STPG2: variants seen among roughly 807,000 people sequenced by gnomAD.
STPG2 encodes the protein sperm tail PG-rich repeat containing 2.
Under a neutral mutation model 54.2 loss-of-function variants are expected in STPG2, and 56 were observed. The observed-to-expected ratio is 1.03, with a 90% CI of 0.83 to 1.29. The LOEUF is 1.29. STPG2 is among the 50% of genes most tolerant of loss of function. STPG2 has a pLI of 0.00. For missense variants in STPG2, 596 were observed against 544.9 expected (o/e 1.09, Z -0.93); for synonymous variants, 200 against 181.8 (o/e 1.10, Z -0.81).
chr4:97,720,005 A>G (rs1424100273), intron 9 of STPG2, among the ~76,000 whole-genome samples: 3 of 151,934 alleles, frequency 2.0e-5, no homozygotes, highest in African/African-American at 7.2e-5. Flanking sequence ...TTCAGTATAC[A>G]TCCTTCACTC....
At position 97,827,128 on chromosome 4, in the gene STPG2, C is replaced by G. The variant is rs138294646; in HGVS notation, c.1204+13645G>C. On this transcript the variant is annotated intron_variant, in intron 9 of 10. Transcript: ENST00000295268. ...TCAAACAGGGGTTAAACTGCATGGA[C>G]TAAATTAAGATAGAAGTCTAAAGTA... is the stretch of plus-strand genomic sequence containing the variant. 7.6e-3 allele frequency among the ~76,000 whole-genome samples: 1,162 copies of G among 152,068 alleles called. 33 individuals are homozygous for G. Among genetic ancestry groups the G allele is most frequent in the Middle Eastern group, 0.058 (17 of 292 alleles).
intron 10 of STPG2, among the ~76,000 whole-genome samples, chr4:97,691,809 C>T (rs1268510629): frequency 6.6e-6 from 1 of 152,134 alleles, no homozygotes; most frequent in East Asian, 1.9e-4. Context: ...TGGCTACCTC[C>T]ACCGGGAGTA....
intron 4 of STPG2, among the ~76,000 whole-genome samples, chr4:97,514,116 T>C (rs1731028162): frequency 6.6e-6 from 1 of 152,068 alleles, no homozygotes; most frequent in Non-Finnish European, 1.5e-5. Context: ...GGTAAACAGA[T>C]AATGACGGTA....
At chr4:97,995,559 G>A (rs990088328) in intron 5 of STPG2, among the ~76,000 whole-genome samples, 65 of 152,052 alleles carry the variant, frequency 4.3e-4, no homozygotes, top group African/African-American at 1.6e-3. Context: ...ACACAGCCAA[G>A]AGGAACATCT....
chr4:98,026,217 A>G, intron 5 of STPG2: 1 of 1,122,596 alleles, frequency 8.9e-7, no homozygotes, highest in Non-Finnish European at 1.3e-6. Context: ...CGGGTAGCTC[A>G]AAAGAAAGCA....
chr4:97,961,985 A>T (rs1039058884), intron 7 of STPG2, among the ~76,000 whole-genome samples: 1 of 152,188 alleles, frequency 6.6e-6, no homozygotes. Context: ...TGAGTGGATA[A>T]AGAAACTGTG....
At chr4:97,796,756 A>T (rs1446008328) in intron 9 of STPG2, among the ~76,000 whole-genome samples, 1 of 152,308 alleles carries the variant, frequency 6.6e-6, no homozygotes, top group South Asian at 2.1e-4. Flanking sequence ...TGGTAGCTTG[A>T]TGGGGATGGC....
At chr4:97,956,062 A>T (rs1486421322) in intron 7 of STPG2, among the ~76,000 whole-genome samples, 1 of 152,206 alleles carries the variant, frequency 6.6e-6, no homozygotes, top group African/African-American at 2.4e-5. Context: ...AGAAATAAAT[A>T]AAAAAAGTAA....
intron 4 of STPG2, among the ~76,000 whole-genome samples, chr4:97,539,600 G>A (rs957076749): frequency 3.3e-5 from 5 of 151,968 alleles, no homozygotes; most frequent in South Asian, 2.1e-4. Context: ...AATGGGAGAC[G>A]TTAACACCCC....
intron 5 of STPG2, among the ~76,000 whole-genome samples, chr4:98,034,115 G>A (rs1047392935): frequency 2.6e-5 from 4 of 152,050 alleles, no homozygotes; most frequent in African/African-American, 9.7e-5. Flanking sequence ...AATTTGGCAA[G>A]AGAAAAAAAT....
At chr4:97,841,175 T>TA (rs1728791265) in intron 8 of STPG2, among the ~76,000 whole-genome samples, 1 of 151,756 alleles carries the variant, frequency 6.6e-6, no homozygotes, top group Non-Finnish European at 1.5e-5. Context: ...TCATATTCTT[T>TA]AAAAAATAGC....
chr4:97,757,641 A>C (rs886474226), intron 9 of STPG2, among the ~76,000 whole-genome samples: 6 of 152,198 alleles, frequency 3.9e-5, no homozygotes, highest in Non-Finnish European at 7.3e-5. Flanking sequence ...CCTCTAATAT[A>C]CAAATACACT....
At chr4:97,856,475 G>A (rs1039630096) in intron 8 of STPG2, among the ~76,000 whole-genome samples, 1 of 152,156 alleles carries the variant, frequency 6.6e-6, no homozygotes, top group African/African-American at 2.4e-5. Flanking sequence ...TGTTGTTGGT[G>A]TATAGGAATG....
At chr4:97,449,655 C>T (rs1206418960) in intron 4 of STPG2, among the ~76,000 whole-genome samples, 54 of 152,028 alleles carry the variant, frequency 3.6e-4, no homozygotes, top group Admixed American at 3.5e-3. Flanking sequence ...TCTTCCCCTC[C>T]ACAAGAATGC....
intron 9 of STPG2, among the ~76,000 whole-genome samples, chr4:97,731,423 G>T (rs969087955): frequency 6.6e-6 from 1 of 152,104 alleles, no homozygotes; most frequent in Non-Finnish European, 1.5e-5. Context: ...TTTTAGCCAC[G>T]TGCCTCTTCT....
At chr4:97,897,975 T>C (rs1317925199) in intron 8 of STPG2, among the ~76,000 whole-genome samples, 1 of 152,176 alleles carries the variant, frequency 6.6e-6, no homozygotes, top group Non-Finnish European at 1.5e-5. Context: ...ATGAAATCTT[T>C]GCCCACTCCT....
intron 8 of STPG2, among the ~76,000 whole-genome samples, chr4:97,918,441 TCACACA>T (rs1731968300): frequency 6.6e-6 from 1 of 152,038 alleles, no homozygotes; most frequent in Non-Finnish European, 1.5e-5. Flanking sequence ...GTCATTACTT[TCACACA>T]CACATACACA....
intron 10 of STPG2, among the ~76,000 whole-genome samples, chr4:97,578,703 T>G (rs1732786667): frequency 6.6e-6 from 1 of 152,118 alleles, no homozygotes; most frequent in Non-Finnish European, 1.5e-5. Context: ...AATAGCCAAT[T>G]TCCCTGCAAT....
At chr4:97,825,805 T>C (rs556463296) in intron 9 of STPG2, among the ~76,000 whole-genome samples, 3 of 152,116 alleles carry the variant, frequency 2.0e-5, no homozygotes, top group Non-Finnish European at 1.5e-5. Flanking sequence ...ATCAGAAAAA[T>C]AAAAAGTGTA....
Sources: gnomAD v4.1 joint callset for allele counts (sites outside exome capture counted in the v4.1 genomes callset) on GRCh38, gnomAD v4.1.1 for gene constraint, MANE v1.5 for transcripts, NCBI Gene and HGNC (gene_info 2026-07-23, HGNC 2026-07-21) for gene names.